REPS2: variants seen among roughly 807,000 people sequenced by gnomAD.
The protein encoded by REPS2 is RALBP1 associated Eps domain containing 2.
REPS2 carries 23 observed loss-of-function variants against 53.6 expected under a neutral mutation model. That is an observed-to-expected ratio of 0.43 (90% CI 0.31 to 0.61). REPS2 has a LOEUF of 0.61. Ranked by LOEUF, REPS2 falls within the 20% of genes least tolerant of loss-of-function variation. The pLI is 0.11. For synonymous variants in REPS2, 238 were observed against 218.6 expected, an observed-to-expected ratio of 1.09 and a Z score of -0.78; for missense variants, 446 against 534.9, an observed-to-expected ratio of 0.83 and a Z score of 1.64.
chrX:17,103,674 A>ATT, intron 13 of REPS2, 44 bp from the exon 14 acceptor site: 9 of 1,159,656 alleles, frequency 7.8e-6, no homozygotes, highest in Non-Finnish European at 9.4e-6. Flanking sequence ...TTTGTTGTTT[A>ATT]TTTTTGGGGG....
intron 12 of REPS2, chrX:17,074,441 T>C (rs1307944897): frequency 8.8e-5 from 22 of 249,931 alleles, no homozygotes; most frequent in Non-Finnish European, 1.6e-4. Flanking sequence ...AGATGATAAC[T>C]TATAGGGGGA....
At chrX:17,101,413 C>T (rs955604835) in intron 13 of REPS2, among the ~76,000 whole-genome samples, 1 of 111,189 alleles carries the variant, frequency 9.0e-6, no homozygotes, top group Non-Finnish European at 1.9e-5. Context: ...GGACACATAC[C>T]TGTGATACTG....
At chrX:17,138,775 C>A (rs1440956146) in intron 16 of REPS2, 81 bp from the exon 17 acceptor site, 4 of 557,519 alleles carry the variant, frequency 7.2e-6, no homozygotes, top group Non-Finnish European at 1.1e-5. Context: ...AGTTTAACAC[C>A]TCTCATGAAT....
intron 8 of REPS2, 53 bp downstream of exon 8, chrX:17,055,003 TA>T: frequency 8.9e-7 from 1 of 1,123,959 alleles, no homozygotes; most frequent in South Asian, 2.1e-5. Context: ...CCAGGCTGTG[TA>T]AAAAACTTTT....
chrX:17,191,385 G>A, the REPS2 span, among the ~76,000 whole-genome samples: 19 of 112,388 alleles, frequency 1.7e-4, 1 homozygote, highest in South Asian at 7.0e-3. Flanking sequence ...AGACCACAAT[G>A]AAATACCACT....
intron 1 of REPS2, among the ~76,000 whole-genome samples, chrX:16,973,773 A>G (rs990141212): frequency 9.1e-6 from 1 of 109,974 alleles, no homozygotes; most frequent in African/African-American, 3.4e-5. Flanking sequence ...GTCTATTCAT[A>G]TATGTATATG....
chrX:17,050,204 T>TTTCTTTTCTTTTC (rs1569148746), intron 6 of REPS2, among the ~76,000 whole-genome samples: 3 of 81,217 alleles, frequency 3.7e-5, no homozygotes, highest in Non-Finnish European at 6.7e-5. Context: ...CTTTTTTTTT[T>TTTCTTTTCTTTTC]TTTTTTGACA....
At chrX:17,068,245 T>C (rs901792614) in intron 9 of REPS2, among the ~76,000 whole-genome samples, 157 bp from the exon 10 acceptor site, 22 of 109,003 alleles carry the variant, frequency 2.0e-4, no homozygotes, top group African/African-American at 6.7e-4. Flanking sequence ...ACCCGGGAGG[T>C]GGAGCTTGCA....
chrX:17,134,195 C>G (rs1363555704), intron 15 of REPS2, among the ~76,000 whole-genome samples: 1 of 111,365 alleles, frequency 9.0e-6, no homozygotes, highest in Admixed American at 9.5e-5. Context: ...TGGGGAGGGA[C>G]AGATGTCTTT....
chrX:17,070,448 A>G (rs186016516), intron 11 of REPS2, among the ~76,000 whole-genome samples: 20 of 112,235 alleles, frequency 1.8e-4, no homozygotes, highest in African/African-American at 5.5e-4. Flanking sequence ...ATATGTGCTT[A>G]TATATGGAGT....
intron 1 of REPS2, among the ~76,000 whole-genome samples, chrX:16,966,014 G>T (rs2060761276): frequency 8.9e-6 from 1 of 112,613 alleles, no homozygotes; most frequent in African/African-American, 3.2e-5. Context: ...GCAAGCTGAG[G>T]CAGGAGAATC....
At chrX:17,099,625 A>T (rs2062757235) in intron 13 of REPS2, among the ~76,000 whole-genome samples, 1 of 111,202 alleles carries the variant, frequency 9.0e-6, no homozygotes, top group Non-Finnish European at 1.9e-5. Flanking sequence ...TGGCTTTAAA[A>T]CACTTGGGCT....
At chrX:17,097,717 T>C (rs1327021015) in intron 13 of REPS2, among the ~76,000 whole-genome samples, 1 of 111,203 alleles carries the variant, frequency 9.0e-6, no homozygotes, top group Non-Finnish European at 1.9e-5. Flanking sequence ...GTATGAGGAA[T>C]GGGAAAAGAC....
intron 14 of REPS2, among the ~76,000 whole-genome samples, chrX:17,132,799 A>G (rs2063311902): frequency 8.9e-6 from 1 of 111,876 alleles, no homozygotes; most frequent in Non-Finnish European, 1.9e-5. Flanking sequence ...CGGCCTCCCA[A>G]AGTGCTGGGA....
intron 1 of REPS2, among the ~76,000 whole-genome samples, chrX:16,972,025 C>G (rs2060901381): frequency 8.9e-6 from 1 of 111,792 alleles, no homozygotes; most frequent in Admixed American, 9.5e-5. Flanking sequence ...TAAAGTGGGG[C>G]TGTTGGAGAC....
chrX:17,172,963 CTGTGTGTATGTA>C, the REPS2 span, among the ~76,000 whole-genome samples: 1 of 80,064 alleles, frequency 1.2e-5, no homozygotes, highest in African/African-American at 4.7e-5. Flanking sequence ...ATTTTTCAGT[CTGTGTGTATGTA>C]TGTGTGTGTG....
intron 14 of REPS2, among the ~76,000 whole-genome samples, chrX:17,121,143 C>T (rs1354764914): frequency 1.8e-5 from 2 of 111,768 alleles, no homozygotes; most frequent in Non-Finnish European, 3.8e-5. Context: ...AACTCTGTTT[C>T]GCAAGATAAT....
At chrX:17,099,453 T>C (rs767808718) in intron 13 of REPS2, among the ~76,000 whole-genome samples, 6 of 111,841 alleles carry the variant, frequency 5.4e-5, no homozygotes, top group Admixed American at 9.5e-5. Flanking sequence ...TCTTTGATTA[T>C]CTACAGTATT....
chrX:16,966,054 G>A (rs1286510051), intron 1 of REPS2, among the ~76,000 whole-genome samples: 2 of 112,572 alleles, frequency 1.8e-5, no homozygotes, highest in Admixed American at 1.9e-4. Flanking sequence ...AGCCGAGATG[G>A]CAGCAGTACT....
Sources: gnomAD v4.1 joint callset for allele counts (sites outside exome capture counted in the v4.1 genomes callset) on GRCh38, gnomAD v4.1.1 for gene constraint, MANE v1.5 for transcripts, NCBI Gene and HGNC (gene_info 2026-07-23, HGNC 2026-07-21) for gene names.